Variants in NCKAP5 observed in about 807,000 individuals in gnomAD.
NCKAP5 encodes the protein NCK associated protein 5.
A neutral mutation model predicts 167.0 loss-of-function variants in NCKAP5; 92 were observed. The ratio of observed to expected loss-of-function variants is 0.55; its 90% confidence interval spans 0.47 to 0.66. NCKAP5 has a LOEUF of 0.66. Ranked by LOEUF, NCKAP5 falls within the 30% of genes least tolerant of loss-of-function variation. NCKAP5 has a pLI of 0.00. For missense variants in NCKAP5, 2,378 were observed against 2,315.0 expected (o/e 1.03, Z -0.56); for synonymous variants, 891 against 877.4 (o/e 1.02, Z -0.27).
chr2:133,662,989 G>A, the NCKAP5 span, among the ~76,000 whole-genome samples: 50 of 152,228 alleles, frequency 3.3e-4, no homozygotes, highest in East Asian at 1.2e-3. Context: ...TGCCGGGGCC[G>A]GGCGCGGTGG....
rs566774613 is a variant in NCKAP5 at position 132,754,182 on chromosome 2, C to T, written c.5128+19634G>A. On this transcript the variant is annotated intron_variant, in intron 16 of 19. Transcript: ENST00000409261. ...ATTATGTATCTGGTCCTGGTGGTAGCTGGCACGATAACATGTTTTTATTGG... is the reference window on the plus strand; with the variant it reads ...ATTATGTATCTGGTCCTGGTGGTAGTTGGCACGATAACATGTTTTTATTGG... 3.3e-5 allele frequency among the ~76,000 whole-genome samples: 5 copies of T among 152,256 alleles called. 1 individual carries two copies. The South Asian group carries it at 1.0e-3, about 32-fold the overall frequency.
intron 8 of NCKAP5, among the ~76,000 whole-genome samples, chr2:132,948,497 G>A (rs1047178023): frequency 6.6e-6 from 1 of 152,168 alleles, no homozygotes; most frequent in Non-Finnish European, 1.5e-5. Flanking sequence ...AACCAGCAGC[G>A]GCTGACAGGC....
chr2:132,967,347 G>C (rs918401645), intron 7 of NCKAP5, among the ~76,000 whole-genome samples: 1 of 152,120 alleles, frequency 6.6e-6, no homozygotes, highest in Non-Finnish European at 1.5e-5. Flanking sequence ...TTTGAAGAAA[G>C]GGCAATCAAT....
At position 133,491,810 on chromosome 2, in the gene NCKAP5, C is replaced by T. The variant is rs531391269; in HGVS notation, c.69+25648G>A. Among the ~76,000 whole-genome samples the T allele has an allele frequency of 2.6e-5, 4 of 152,270 alleles. No homozygotes were observed. In the East Asian group the frequency reaches 5.8e-4, roughly 22 times the overall value. On this transcript the variant is annotated intron_variant, in intron 3 of 19. Coordinates refer to ENST00000409261, the MANE Select transcript of NCKAP5 (RefSeq NM_207363.3). ...GAGGCAAGAGACAGTAGTCACTTCCCGCAGAGACCGTTAGGTCAGGAGTTC... is the reference window on the plus strand; with the variant it reads ...GAGGCAAGAGACAGTAGTCACTTCCTGCAGAGACCGTTAGGTCAGGAGTTC...
At chr2:132,952,912 A>G (rs1335989742) in intron 8 of NCKAP5, among the ~76,000 whole-genome samples, 1 of 152,198 alleles carries the variant, frequency 6.6e-6, no homozygotes, top group Non-Finnish European at 1.5e-5. Context: ...TGCTCTACAG[A>G]TGGATTGAAG....
intron 3 of NCKAP5, among the ~76,000 whole-genome samples, chr2:133,387,616 G>A (rs1027171877): frequency 5.3e-5 from 8 of 150,542 alleles, no homozygotes; most frequent in Non-Finnish European, 9.0e-5. Context: ...GGGGAAGTTC[G>A]GGATAATATC....
chr2:132,958,985 T>C (rs2076423220), intron 8 of NCKAP5, among the ~76,000 whole-genome samples: 1 of 150,032 alleles, frequency 6.7e-6, no homozygotes, highest in African/African-American at 2.4e-5. Flanking sequence ...ATCTAATCCC[T>C]GTGCAAAGAA....
intron 8 of NCKAP5, among the ~76,000 whole-genome samples, chr2:132,891,803 G>A (rs1312540048): frequency 6.6e-6 from 1 of 152,196 alleles, no homozygotes; most frequent in African/African-American, 2.4e-5. Context: ...CAAGAGGAGT[G>A]GTAAAGCAGA....
chr2:133,297,608 A>C (rs1175103247), intron 4 of NCKAP5, among the ~76,000 whole-genome samples: 1 of 152,220 alleles, frequency 6.6e-6, no homozygotes, highest in East Asian at 1.9e-4. Context: ...GGAGGAAAGG[A>C]AACTTTTTAA....
intron 17 of NCKAP5, among the ~76,000 whole-genome samples, chr2:132,730,903 T>C (rs771642708): frequency 5.3e-5 from 8 of 152,256 alleles, no homozygotes; most frequent in Admixed American, 2.0e-4. Context: ...GCCATGGGAA[T>C]AGCCCAATCA....
intron 4 of NCKAP5, among the ~76,000 whole-genome samples, chr2:133,222,304 A>G (rs2086691908): frequency 2.0e-5 from 3 of 151,776 alleles, no homozygotes; most frequent in Admixed American, 2.0e-4. Flanking sequence ...CATAAACATA[A>G]TTATAAAATA....
At chr2:133,120,203 A>G (rs1414502046) in intron 6 of NCKAP5, among the ~76,000 whole-genome samples, 1 of 152,196 alleles carries the variant, frequency 6.6e-6, no homozygotes, top group Non-Finnish European at 1.5e-5. Context: ...AAACTACAAC[A>G]CATTTCTTTT....
At chr2:132,913,324 T>C (rs1010059789) in intron 8 of NCKAP5, among the ~76,000 whole-genome samples, 5 of 152,222 alleles carry the variant, frequency 3.3e-5, no homozygotes, top group African/African-American at 1.2e-4. Context: ...CACCATGTCA[T>C]GGATAAGAGA....
intron 3 of NCKAP5, among the ~76,000 whole-genome samples, chr2:133,355,024 A>G (rs1684614946): frequency 1.3e-5 from 2 of 152,242 alleles, no homozygotes; most frequent in African/African-American, 4.8e-5. Flanking sequence ...TTCACATAGA[A>G]TCAAAAATAG....
intron 17 of NCKAP5, among the ~76,000 whole-genome samples, chr2:132,730,215 C>T (rs1405122142): frequency 1.3e-5 from 2 of 152,168 alleles, no homozygotes; most frequent in Non-Finnish European, 2.9e-5. Context: ...AACCCAAAGC[C>T]AGGTGCGGTG....
chr2:132,946,278 A>G (rs571714139), intron 8 of NCKAP5, among the ~76,000 whole-genome samples: 1 of 152,312 alleles, frequency 6.6e-6, no homozygotes, highest in East Asian at 1.9e-4. Context: ...GTCCTCTGGT[A>G]GAGCCAATAT....
At chr2:133,245,308 C>T (rs1183839836) in intron 4 of NCKAP5, among the ~76,000 whole-genome samples, 1 of 152,002 alleles carries the variant, frequency 6.6e-6, no homozygotes, top group Non-Finnish European at 1.5e-5. Context: ...GAAGTGTTTA[C>T]GACTACTTGC....
In NCKAP5 at chr2:132,948,118, C is replaced by T. The variant is rs777600593; in HGVS notation, c.579+15602G>A. ...GTGGGCAGACTTAGATAACAATAAA[C>T]GGTAATGATGACAGTTTTTTTTATC... On this transcript the variant is annotated intron_variant, in intron 8 of 19. Coordinates refer to ENST00000409261, the MANE Select transcript of NCKAP5 (RefSeq NM_207363.3). Among the ~76,000 whole-genome samples the T allele has an allele frequency of 9.2e-5, 14 of 152,266 alleles. No individual in the cohort carries two copies. In the South Asian group the frequency reaches 2.1e-3, roughly 23 times the overall value.
chr2:133,219,932 C>CT (rs1202098879), intron 4 of NCKAP5, among the ~76,000 whole-genome samples: 2 of 152,212 alleles, frequency 1.3e-5, no homozygotes, highest in East Asian at 3.9e-4. Flanking sequence ...CTCATTTGTC[C>CT]TTGCGTTTAG....
Sources: gnomAD v4.1 joint callset for allele counts (sites outside exome capture counted in the v4.1 genomes callset) on GRCh38, gnomAD v4.1.1 for gene constraint, MANE v1.5 for transcripts, NCBI Gene and HGNC (gene_info 2026-07-23, HGNC 2026-07-21) for gene names.